The following SDK1 variants were observed in gnomAD, a reference collection of about 807,000 sequenced individuals.
SDK1 encodes sidekick cell adhesion molecule 1, also known as protein sidekick-1.
SDK1 carries 157 observed loss-of-function variants against 245.5 expected under a neutral mutation model. That is an observed-to-expected ratio of 0.64 (90% CI 0.56 to 0.73). The LOEUF is 0.73. Ranked by LOEUF, SDK1 falls within the 30% of genes least tolerant of loss-of-function variation. The pLI, the probability that SDK1 is intolerant of heterozygous loss-of-function variation, is 0.00. For missense variants in SDK1, 3,583 were observed against 3,002.3 expected, an observed-to-expected ratio of 1.19 and a Z score of -4.52; for synonymous variants, 1,647 against 1,278.5, an observed-to-expected ratio of 1.29 and a Z score of -6.15.
At chr7:3,669,872 T>C (rs1167008598) in intron 4 of SDK1, among the ~76,000 whole-genome samples, 1 of 152,208 alleles carries the variant, frequency 6.6e-6, no homozygotes, top group African/African-American at 2.4e-5. Flanking sequence ...TTTTTCTTCA[T>C]TGACCCTATT....
intron 4 of SDK1, among the ~76,000 whole-genome samples, chr7:3,689,390 C>G (rs993482960): frequency 5.9e-5 from 9 of 152,102 alleles, no homozygotes; most frequent in Non-Finnish European, 1.3e-4. Flanking sequence ...TACCATCCTG[C>G]CGTTATAAGA....
intron 1 of SDK1, among the ~76,000 whole-genome samples, chr7:3,326,031 A>G (rs538217517): frequency 1.3e-5 from 2 of 152,258 alleles, no homozygotes; most frequent in East Asian, 3.9e-4. Context: ...ATCTATCCTA[A>G]TGTGTGTATA....
intron 7 of SDK1, among the ~76,000 whole-genome samples, chr7:3,957,511 A>T (rs977918872): frequency 6.6e-6 from 1 of 152,248 alleles, no homozygotes; most frequent in African/African-American, 2.4e-5. Flanking sequence ...GAGGAAAACT[A>T]TAATTAATCA....
chr7:3,435,840 T>G (rs535907349), intron 1 of SDK1, among the ~76,000 whole-genome samples: 6 of 152,292 alleles, frequency 3.9e-5, no homozygotes, highest in African/African-American at 1.4e-4. Flanking sequence ...AATGATTACT[T>G]ACTCTCAAAC....
intron 4 of SDK1, among the ~76,000 whole-genome samples, chr7:3,676,731 C>T (rs1024935890): frequency 1.3e-5 from 2 of 152,196 alleles, no homozygotes; most frequent in African/African-American, 4.8e-5. Context: ...TATTCTTCTG[C>T]ATATGGATAT....
Position 4,055,091 on chromosome 7 carries a change from A to T in SDK1, c.2911+3261A>T, listed in dbSNP as rs147353077. Among the ~76,000 whole-genome samples, 200 of 152,306 alleles carry T rather than the reference A, an allele frequency of 1.3e-3. 3 individuals carry two copies. Among genetic ancestry groups the T allele is most frequent in the African/African-American group, 4.7e-3 (196 of 41,550 alleles). Reference sequence around the variant, plus strand: ...TGTGTTATCTTTGTCTGGTGTTGGTATCAGAGTAATATGGTCCCATGAAAT... The same window carrying T: ...TGTGTTATCTTTGTCTGGTGTTGGTTTCAGAGTAATATGGTCCCATGAAAT... On this transcript the variant is annotated intron_variant, in intron 19 of 44. Coordinates refer to ENST00000404826, the MANE Select transcript of SDK1 (RefSeq NM_152744.4).
In SDK1 at chr7:3,971,506, G is replaced by A. The variant is rs745897972; in HGVS notation, c.1755G>A (p.Val585=). The change falls in exon 12 of 45, where the codon GTG becomes GTA. Residue 585 remains valine (V), a synonymous_variant. Transcript: ENST00000404826. ...SIVHPPEDHV[V]IKGTTATLHC... is the part of the protein sequence containing the mutation. ...TCCACCCTCCTGAGGACCACGTGGT[G>A]ATTAAGGGGACCACGGCCACGCTGC... is the stretch of plus-strand genomic sequence containing the variant. 2 of 1,613,788 alleles carry A rather than the reference G, an allele frequency of 1.2e-6. No individual in the cohort carries two copies. Among genetic ancestry groups the A allele is most frequent in the Non-Finnish European group, 1.7e-6 (2 of 1,179,858 alleles).
At chr7:3,929,145 G>T (rs12701291) in intron 5 of SDK1, among the ~76,000 whole-genome samples, 1 of 152,106 alleles carries the variant, frequency 6.6e-6, no homozygotes, top group Non-Finnish European at 1.5e-5. Context: ...CAATGCATTT[G>T]TCCTTGCCCT....
intron 5 of SDK1, among the ~76,000 whole-genome samples, chr7:3,842,618 A>C (rs1231087893): frequency 6.6e-6 from 1 of 152,122 alleles, no homozygotes; most frequent in Non-Finnish European, 1.5e-5. Flanking sequence ...ACACTGGTAT[A>C]CTGTCAGTGG....
intron 20 of SDK1, among the ~76,000 whole-genome samples, chr7:4,074,916 A>ATTTTT (rs55899344): frequency 1.4e-4 from 9 of 64,598 alleles, no homozygotes; most frequent in African/African-American, 8.3e-4. Flanking sequence ...ATATATATAT[A>ATTTTT]TTTTTTTTTT....
chr7:4,096,913 A>G (rs1389717362), intron 22 of SDK1, among the ~76,000 whole-genome samples: 1 of 152,196 alleles, frequency 6.6e-6, no homozygotes, highest in East Asian at 1.9e-4. Context: ...TAGCCCAGGA[A>G]GAGGCAGCCT....
intron 1 of SDK1, among the ~76,000 whole-genome samples, chr7:3,480,871 G>A (rs529601282): frequency 8.6e-4 from 131 of 152,312 alleles, no homozygotes; most frequent in African/African-American, 3.1e-3. Flanking sequence ...AGCCAGTGAC[G>A]CTGGCATCGG....
At chr7:4,045,265 A>G (rs1326511849) in intron 17 of SDK1, among the ~76,000 whole-genome samples, 1 of 151,828 alleles carries the variant, frequency 6.6e-6, no homozygotes, top group Non-Finnish European at 1.5e-5. Context: ...TTATTTAGAG[A>G]CAGGGTCTCA....
intron 5 of SDK1, among the ~76,000 whole-genome samples, chr7:3,888,002 C>T (rs780726153): frequency 6.6e-6 from 1 of 152,052 alleles, no homozygotes; most frequent in Non-Finnish European, 1.5e-5. Context: ...TTCTTGTCAC[C>T]TTAACAATAA....
intron 1 of SDK1, among the ~76,000 whole-genome samples, chr7:3,598,006 TGTA>T (rs1781123195): frequency 6.6e-6 from 1 of 152,210 alleles, no homozygotes; most frequent in African/African-American, 2.4e-5. Context: ...TATGATAAAT[TGTA>T]AAGCCTTTTT....
At chr7:3,556,441 TG>T (rs1392613326) in intron 1 of SDK1, among the ~76,000 whole-genome samples, 3 of 152,126 alleles carry the variant, frequency 2.0e-5, no homozygotes, top group Non-Finnish European at 4.4e-5. Context: ...GGATGGTTAA[TG>T]GGTACAAAAA....
intron 1 of SDK1, among the ~76,000 whole-genome samples, chr7:3,353,919 G>T (rs187615741): frequency 1.3e-5 from 2 of 151,952 alleles, no homozygotes; most frequent in African/African-American, 4.8e-5. Flanking sequence ...TGAAAGTTAC[G>T]TAACTGACTT....
At chr7:3,329,623 C>T (rs910793815) in intron 1 of SDK1, among the ~76,000 whole-genome samples, 8 of 152,098 alleles carry the variant, frequency 5.3e-5, no homozygotes, top group Admixed American at 1.3e-4. Flanking sequence ...TAGAATCATC[C>T]GGGATGTCAT....
intron 4 of SDK1, among the ~76,000 whole-genome samples, chr7:3,696,751 G>C (rs1784584700): frequency 1.3e-5 from 2 of 152,020 alleles, no homozygotes; most frequent in African/African-American, 4.8e-5. Context: ...AATTATTTTT[G>C]AGTTGTGTCA....
Sources: allele counts gnomAD v4.1 joint callset (sites outside exome capture counted in the v4.1 genomes callset), GRCh38; gene constraint gnomAD v4.1.1; transcripts MANE v1.5; gene names NCBI Gene and HGNC (gene_info 2026-07-23, HGNC 2026-07-21).